CLOCK: variants seen among roughly 807,000 people sequenced by gnomAD.
CLOCK encodes clock circadian regulator.
A neutral mutation model predicts 118.4 loss-of-function variants in CLOCK; 43 were observed. The ratio of observed to expected loss-of-function variants is 0.36; its 90% CI spans 0.28 to 0.47. The LOEUF (loss-of-function observed/expected upper bound fraction) is 0.47. Ranked by LOEUF, CLOCK falls within the 20% of genes least tolerant of loss-of-function variation. CLOCK has a pLI of 1.00. For synonymous variants in CLOCK, 326 were observed against 339.2 expected, an observed-to-expected ratio of 0.96 and a Z score of 0.43; for missense variants, 846 against 999.9, an observed-to-expected ratio of 0.85 and a Z score of 2.08.
Position 55,538,990 on chromosome 4 carries a change from G to A in CLOCK, c.-290+7792C>T, listed in dbSNP as rs754558877. On this transcript the variant is annotated intron_variant, in intron 1 of 22. Coordinates refer to ENST00000513440, the MANE Select transcript of CLOCK (RefSeq NM_004898.4). Reference sequence around the variant, plus strand: ...CTCATGCCTGTAATCCTAGCACTTTGGGAGGCCAAGGTGGGCAGATCACTT... The same window carrying A: ...CTCATGCCTGTAATCCTAGCACTTTAGGAGGCCAAGGTGGGCAGATCACTT... Among the ~76,000 whole-genome samples, 20 of 152,254 alleles carry A rather than the reference G, an allele frequency of 1.3e-4. No homozygotes were observed. The Middle Eastern group carries it at 0.01, about 78-fold the overall frequency.
intron 2 of CLOCK, among the ~76,000 whole-genome samples, chr4:55,492,815 G>A (rs376382271): frequency 2.0e-5 from 3 of 152,102 alleles, no homozygotes; most frequent in East Asian, 3.9e-4. Context: ...ACTGCACTCT[G>A]ACCTGGGTGA....
chr4:55,511,199 G>A (rs779083528), intron 1 of CLOCK, among the ~76,000 whole-genome samples: 5 of 151,974 alleles, frequency 3.3e-5, no homozygotes, highest in South Asian at 2.1e-4. Flanking sequence ...ACTTTACTAT[G>A]TGTAAAGCCC....
At chr4:55,498,803 G>A (rs955764110) in intron 2 of CLOCK, among the ~76,000 whole-genome samples, 2 of 152,084 alleles carry the variant, frequency 1.3e-5, no homozygotes, top group Non-Finnish European at 2.9e-5. Flanking sequence ...GGTAGTACAA[G>A]AATCCACCAG....
rs1722810655 is a variant in CLOCK at position 55,435,558 on chromosome 4, G to A, written c.2398C>T (p.Leu800Phe). Residue 800 changes from leucine (L) to phenylalanine (F), a missense_variant, in exon 23 of 23, where the codon CTC becomes TTC. By Grantham distance (22) the Leu-to-Phe change is conservative. Coordinates refer to ENST00000513440, the MANE Select transcript of CLOCK (RefSeq NM_004898.4). ...AGAGGAAATGCAGCAGAGAGAATGA[G>A]TTGAGTTGAGGGATTCCCATGGAGC... is the stretch of plus-strand genomic sequence containing the variant. ...RLLHGNPSTQ[L>F]ILSAAFPLQQ... is the part of the protein sequence containing the mutation. The A allele has an allele frequency of 3.1e-6, 5 of 1,613,996 alleles. No individual in the cohort carries two copies. The highest frequency in any genetic ancestry group is 2.7e-5 in the African/African-American group (2 of 75,040).
chr4:55,542,368 TA>T (rs1560489932), intron 1 of CLOCK, among the ~76,000 whole-genome samples: 2,064 of 57,858 alleles, frequency 0.036, 32 homozygotes, highest in Admixed American at 0.087. Context: ...ATAATAATAA[TA>T]ATAATAATAA....
At chr4:55,448,945 G>A in intron 17 of CLOCK, 77 bp from the exon 18 acceptor site, 1 of 1,120,974 alleles carries the variant, frequency 8.9e-7, no homozygotes, top group Non-Finnish European at 1.3e-6. Flanking sequence ...ATATCAATAT[G>A]ATATTCGTAT....
chr4:55,523,078 G>A (rs551528223), intron 1 of CLOCK, among the ~76,000 whole-genome samples: 6 of 152,094 alleles, frequency 3.9e-5, no homozygotes, highest in South Asian at 2.1e-4. Flanking sequence ...GGCGGATCGC[G>A]AGGTCAGGAG....
chr4:55,483,344 A>G (rs1727059510), intron 3 of CLOCK, among the ~76,000 whole-genome samples: 1 of 152,234 alleles, frequency 6.6e-6, no homozygotes, highest in South Asian at 2.1e-4. Context: ...TGGGCAAGGA[A>G]CAATTATGTC....
chr4:55,460,448 C>G (rs1725252476), intron 9 of CLOCK, among the ~76,000 whole-genome samples: 1 of 152,146 alleles, frequency 6.6e-6, no homozygotes, highest in Admixed American at 6.5e-5. Context: ...TTCAAGCTCC[C>G]TTCGTCTATG....
intron 4 of CLOCK, among the ~76,000 whole-genome samples, chr4:55,480,017 A>C (rs1726807848): frequency 1.3e-5 from 2 of 152,222 alleles, no homozygotes; most frequent in Admixed American, 6.5e-5. Flanking sequence ...ATAGAAAGTC[A>C]GTGTTTGCCA....
intron 22 of CLOCK, among the ~76,000 whole-genome samples, chr4:55,436,520 C>T (rs1722888590): frequency 6.6e-6 from 1 of 152,184 alleles, no homozygotes; most frequent in Non-Finnish European, 1.5e-5. Context: ...TTCCCCATTA[C>T]TGACAGTACA....
At position 55,489,385 on chromosome 4, in the gene CLOCK, C is replaced by T. The variant is rs189926214; in HGVS notation, c.-55G>A. ...GCACCTTTCTTTACCTTTTGTACTC[C>T]TTGGATCTTTTAAACTGATTCTTCA... On this transcript the variant is annotated 5_prime_UTR_variant, in exon 3 of 23. Coordinates refer to ENST00000513440, the MANE Select transcript of CLOCK (RefSeq NM_004898.4). 3 of 152,144 alleles carry T rather than the reference C, an allele frequency of 2.0e-5. No homozygotes were observed. The East Asian group carries it at 5.8e-4, about 29-fold the overall frequency. The allele number at this position is 152,144 out of a possible 1,614,324, so 9.4% of individuals were successfully genotyped here.
intron 19 of CLOCK, 40 bp from the exon 20 acceptor site, chr4:55,443,936 T>C (rs201093385): frequency 4.2e-5 from 66 of 1,573,794 alleles, no homozygotes; most frequent in African/African-American, 1.4e-4. Context: ...GCTTTGTAGA[T>C]TGAAAAGAAG....
chr4:55,525,905 G>A (rs545692270), intron 1 of CLOCK, among the ~76,000 whole-genome samples: 5 of 150,940 alleles, frequency 3.3e-5, no homozygotes, highest in East Asian at 1.9e-4. Context: ...AGTGTGTACT[G>A]ATGGTATGCC....
chr4:55,463,093 A>G (rs1201860515), intron 9 of CLOCK, among the ~76,000 whole-genome samples: 1 of 152,170 alleles, frequency 6.6e-6, no homozygotes, highest in African/African-American at 2.4e-5. Flanking sequence ...AAATTTGTCA[A>G]TGGACCTAGT....
rs1335993640 is a variant in CLOCK at position 55,489,432 on chromosome 4, C to T, written c.-102G>A. Reference sequence around the variant, plus strand: ...TTCAGGAAACTATAGGTTCAAGGTACTCTTCTATATGACCAACCATAAGTC... The same window carrying T: ...TTCAGGAAACTATAGGTTCAAGGTATTCTTCTATATGACCAACCATAAGTC... On this transcript the variant is annotated 5_prime_UTR_variant, in exon 3 of 23. Coordinates refer to ENST00000513440, the MANE Select transcript of CLOCK (RefSeq NM_004898.4). The T allele has an allele frequency of 6.6e-6, 1 of 152,094 alleles. No homozygotes were observed. The highest frequency in any genetic ancestry group is 2.4e-5 in the African/African-American group (1 of 41,426). The allele number at this position is 152,094 out of a possible 1,614,324, so 9.4% of individuals were successfully genotyped here.
chr4:55,525,661 G>T (rs906942382), intron 1 of CLOCK, among the ~76,000 whole-genome samples: 3 of 151,846 alleles, frequency 2.0e-5, no homozygotes, highest in African/African-American at 7.3e-5. Context: ...GTAGACACGG[G>T]GTTTCACCAT....
In CLOCK at chr4:55,443,703, T is replaced by G; in HGVS notation, c.1886A>C (p.Gln629Pro). ...TAACATTACCTGAGTTGATGTACTC[T>G]GTAAAGTCTGTTGTTGTATCATGTG... ...TQHMIQQQTL[Q>P]STSTQSQQNV... Residue 629 changes from glutamine to proline, a missense_variant, in exon 20 of 23, where the codon CAG becomes CCG. Coordinates refer to ENST00000513440, the MANE Select transcript of CLOCK (RefSeq NM_004898.4). 1 of 1,614,052 alleles carries G rather than the reference T, an allele frequency of 6.2e-7. No individual in the cohort carries two copies. The highest frequency in any genetic ancestry group is 1.7e-5 in the Admixed American group (1 of 60,032).
chr4:55,509,597 C>T (rs1031247149), intron 2 of CLOCK, among the ~76,000 whole-genome samples: 13 of 152,142 alleles, frequency 8.5e-5, no homozygotes, highest in Admixed American at 1.3e-4. Context: ...AATTCTTACT[C>T]GACTTTCAGT....
Sources: gnomAD v4.1 joint callset for allele counts (sites outside exome capture counted in the v4.1 genomes callset) on GRCh38, gnomAD v4.1.1 for gene constraint, MANE v1.5 for transcripts, NCBI Gene and HGNC (gene_info 2026-07-23, HGNC 2026-07-21) for gene names.